Variants in UGGT2 observed in about 807,000 individuals in gnomAD.
UGGT2 encodes the protein UDP-glucose:glycoprotein glucosyltransferase 2.
A neutral mutation model predicts 192.1 loss-of-function variants in UGGT2; 180 were observed. The ratio of observed to expected loss-of-function variants is 0.94; its 90% CI spans 0.83 to 1.06. The LOEUF (loss-of-function observed/expected upper bound fraction) is 1.06, where lower values mean the gene tolerates loss of function less well. Among genes scored for constraint, UGGT2 ranks in the 50% least tolerant of loss-of-function variants. The pLI is 0.00. For synonymous variants in UGGT2, 580 were observed against 591.0 expected, an observed-to-expected ratio of 0.98 and a Z score of 0.27; for missense variants, 1,849 against 1,795.7, an observed-to-expected ratio of 1.03 and a Z score of -0.54.
chr13:95,866,581 CTA>C (rs1566610177), intron 30 of UGGT2, among the ~76,000 whole-genome samples: 2 of 152,144 alleles, frequency 1.3e-5, no homozygotes, highest in African/African-American at 4.8e-5. Context: ...GGCTAAAAGA[CTA>C]TGAGGAATAA....
chr13:95,873,962 T>C (rs1406203030), intron 29 of UGGT2, among the ~76,000 whole-genome samples: 1 of 152,150 alleles, frequency 6.6e-6, no homozygotes, highest in Non-Finnish European at 1.5e-5. Context: ...AAACGAAGTA[T>C]CCCATGAAAG....
chr13:96,039,800 T>C (rs1051451355), intron 1 of UGGT2, among the ~76,000 whole-genome samples: 1 of 152,248 alleles, frequency 6.6e-6, no homozygotes, highest in African/African-American at 2.4e-5. Context: ...TCAGCCGGTA[T>C]TGTATCACTA....
At chr13:95,938,488 CT>C (rs1252304030) in intron 16 of UGGT2, among the ~76,000 whole-genome samples, 5 of 152,170 alleles carry the variant, frequency 3.3e-5, no homozygotes, top group Admixed American at 2.6e-4. Flanking sequence ...TAAATCACTT[CT>C]TATGTTACAC....
intron 1 of UGGT2, among the ~76,000 whole-genome samples, chr13:96,041,645 G>A (rs1243650240): frequency 2.6e-5 from 4 of 152,072 alleles, no homozygotes; most frequent in East Asian, 1.9e-4. Flanking sequence ...AGCCCTGCTC[G>A]CCCACCGCCT....
At chr13:95,845,753 CAG>C (rs1888356789) in intron 36 of UGGT2, among the ~76,000 whole-genome samples, 1 of 151,222 alleles carries the variant, frequency 6.6e-6, no homozygotes, top group Admixed American at 6.6e-5. Flanking sequence ...GGCGGCGGGG[CAG>C]AGACACTCCT....
At chr13:95,986,769 G>A (rs576738570) in intron 8 of UGGT2, among the ~76,000 whole-genome samples, 1 of 152,086 alleles carries the variant, frequency 6.6e-6, no homozygotes, top group African/African-American at 2.4e-5. Flanking sequence ...ATAATGAAGA[G>A]GAGTAAAAAG....
At chr13:95,843,439 C>T (rs1264905151) in intron 36 of UGGT2, among the ~76,000 whole-genome samples, 1 of 152,150 alleles carries the variant, frequency 6.6e-6, no homozygotes, top group African/African-American at 2.4e-5. Flanking sequence ...GATTCTTTAA[C>T]AAATCAGATT....
At chr13:95,931,805 C>T (rs1315842246) in intron 17 of UGGT2, among the ~76,000 whole-genome samples, 3 of 152,122 alleles carry the variant, frequency 2.0e-5, no homozygotes, top group South Asian at 2.1e-4. Context: ...CCCTGGTTCC[C>T]GCCCGCGCCT....
rs765071452 is a variant in UGGT2 at position 95,949,437 on chromosome 13, T to C, written c.1353A>G (p.Glu451=). ...GCCATGTAATATACAAATCATCATT[T>C]TCTAAGTCATTAATCCACTAGAAAA... ...HSSIMWINDL[E]NDDLYITWPT... is the part of the protein sequence containing the mutation. Residue 451 remains glutamate, a synonymous_variant, in exon 13 of 39, where the codon GAA becomes GAG. Transcript: ENST00000376747. 9 of 1,532,892 alleles carry C rather than the reference T, an allele frequency of 5.9e-6. No homozygotes were observed. In the South Asian group the frequency reaches 9.3e-5, roughly 16 times the overall value. 95.0% of individuals were successfully genotyped at this position (1,532,892 alleles called of 1,614,324 possible).
chr13:95,915,211 G>C (rs560130032), intron 20 of UGGT2, among the ~76,000 whole-genome samples: 1 of 152,092 alleles, frequency 6.6e-6, no homozygotes, highest in East Asian at 1.9e-4. Context: ...ATTCCTTCAG[G>C]TCATTGCTGA....
intron 15 of UGGT2, among the ~76,000 whole-genome samples, chr13:95,942,243 T>G (rs963252487): frequency 1.3e-4 from 20 of 150,510 alleles, no homozygotes; most frequent in African/African-American, 4.2e-4. Context: ...TGTGTGTGTG[T>G]GTGTGTGTGT....
In UGGT2 at chr13:95,853,477, A is replaced by C. The variant is rs1445044968; in HGVS notation, c.4284+66T>G. The C allele has an allele frequency of 3.1e-6, 4 of 1,293,456 alleles. No homozygotes were observed. In the African/African-American group the frequency reaches 6.2e-5, roughly 20 times the overall value. 80.1% of individuals were successfully genotyped at this position (1,293,456 alleles called of 1,614,324 possible). On this transcript the variant is annotated intron_variant, in intron 36 of 38. Coordinates refer to ENST00000376747, the MANE Select transcript of UGGT2 (RefSeq NM_020121.4). ...CTCAAAATATAAGACTTTAAAGTTT[A>C]TGAGCACGGAGTTGGAACAGTCTAT...
chr13:95,804,462 T>C (rs7994795), intron 38 of UGGT2, among the ~76,000 whole-genome samples: 150,449 of 152,322 alleles, frequency 0.99, 74,332 homozygotes, highest in East Asian at 1. Context: ...GAAAACTCAT[T>C]CTGAAATTCA....
At chr13:96,023,214 C>T in intron 3 of UGGT2, 62 bp from the exon 4 acceptor site, 2 of 1,360,562 alleles carry the variant, frequency 1.5e-6, no homozygotes, top group Non-Finnish European at 2.0e-6. Context: ...ATTTTAAAAC[C>T]CTCACACATT....
intron 12 of UGGT2, among the ~76,000 whole-genome samples, chr13:95,963,935 A>T (rs1314928450): frequency 2.0e-5 from 3 of 152,216 alleles, no homozygotes; most frequent in African/African-American, 7.2e-5. Flanking sequence ...AAAGCAATCT[A>T]TAGATTCAAT....
intron 4 of UGGT2, among the ~76,000 whole-genome samples, chr13:96,021,271 T>C (rs1437312946): frequency 6.6e-6 from 1 of 152,214 alleles, no homozygotes; most frequent in Non-Finnish European, 1.5e-5. Context: ...CCATGGCAGA[T>C]GGACTTTCCT....
At chr13:95,867,243 A>G (rs1890753215) in intron 30 of UGGT2, 96 bp downstream of exon 30, 2 of 1,093,070 alleles carry the variant, frequency 1.8e-6, no homozygotes, top group Admixed American at 2.6e-5. Flanking sequence ...GTAAAATTGT[A>G]AAGTTAATTG....
intron 20 of UGGT2, 116 bp downstream of exon 20, chr13:95,925,564 G>A (rs1393819083): frequency 1.8e-5 from 13 of 709,118 alleles, no homozygotes; most frequent in South Asian, 4.2e-5. Flanking sequence ...GAATTCCTTC[G>A]TCTACTTAAC....
chr13:95,894,815 A>G (rs1215382288), intron 23 of UGGT2, among the ~76,000 whole-genome samples, 158 bp from the exon 24 acceptor site: 1 of 152,178 alleles, frequency 6.6e-6, no homozygotes, highest in Non-Finnish European at 1.5e-5. Flanking sequence ...CATTTCTCTA[A>G]AACAGTCACA....
Sources: gnomAD v4.1 joint callset for allele counts (sites outside exome capture counted in the v4.1 genomes callset) on GRCh38, gnomAD v4.1.1 for gene constraint, MANE v1.5 for transcripts, NCBI Gene and HGNC (gene_info 2026-07-23, HGNC 2026-07-21) for gene names.